MYO9A: variants seen among roughly 807,000 people sequenced by gnomAD.
MYO9A encodes the protein unconventional myosin-IXa.
A neutral mutation model predicts 293.3 loss-of-function variants in MYO9A; 103 were observed. The ratio of observed to expected loss-of-function variants is 0.35; its 90% CI spans 0.30 to 0.41. The LOEUF (loss-of-function observed/expected upper bound fraction) is 0.41. MYO9A is among the 10% of genes least tolerant of loss of function. The pLI is 1.00. For synonymous variants in MYO9A, 1,001 were observed against 1,035.7 expected (o/e 0.97, Z 0.64); for missense variants, 2,685 against 3,033.0 (o/e 0.89, Z 2.69).
At chr15:71,889,087 T>A (rs2142948073) in intron 26 of MYO9A, among the ~76,000 whole-genome samples, 1 of 152,200 alleles carries the variant, frequency 6.6e-6, no homozygotes, top group East Asian at 1.9e-4. Flanking sequence ...CACATGAAGC[T>A]GAAAGTCCAA....
At chr15:71,927,640 T>C (rs1267106980) in intron 18 of MYO9A, among the ~76,000 whole-genome samples, 2 of 152,124 alleles carry the variant, frequency 1.3e-5, no homozygotes, top group African/African-American at 4.8e-5. Flanking sequence ...TTGATCCACA[T>C]TTGGTCACAG....
intron 15 of MYO9A, among the ~76,000 whole-genome samples, chr15:71,947,911 T>C (rs1289107292): frequency 6.6e-6 from 1 of 152,228 alleles, no homozygotes; most frequent in Non-Finnish European, 1.5e-5. Context: ...CTAGGGCTCC[T>C]GTCATTTCTG....
At chr15:71,985,939 C>G (rs377337911) in intron 11 of MYO9A, among the ~76,000 whole-genome samples, 1 of 152,116 alleles carries the variant, frequency 6.6e-6, no homozygotes, top group East Asian at 1.9e-4. Context: ...TAGCACACTG[C>G]CTGGCACACA....
At chr15:71,973,361 T>C (rs897338740) in intron 12 of MYO9A, among the ~76,000 whole-genome samples, 6 of 152,186 alleles carry the variant, frequency 3.9e-5, no homozygotes, top group African/African-American at 1.4e-4. Flanking sequence ...TTGGTATCAT[T>C]AGCTTCCTAA....
intron 1 of MYO9A, among the ~76,000 whole-genome samples, chr15:72,069,735 T>C (rs1327397836): frequency 6.6e-6 from 1 of 152,120 alleles, no homozygotes; most frequent in African/African-American, 2.4e-5. Context: ...TGCATACTCA[T>C]GAATTTTTAT....
chr15:72,096,220 C>T (rs2080059381), intron 1 of MYO9A, among the ~76,000 whole-genome samples: 1 of 151,430 alleles, frequency 6.6e-6, no homozygotes, highest in African/African-American at 2.4e-5. Flanking sequence ...GGCCTGTAGT[C>T]CCAGATACTC....
At chr15:72,035,469 C>A (rs997471876) in intron 2 of MYO9A, among the ~76,000 whole-genome samples, 1 of 152,052 alleles carries the variant, frequency 6.6e-6, no homozygotes, top group African/African-American at 2.4e-5. Context: ...ATTTTAACAA[C>A]CTGGATGAAT....
At chr15:71,861,694 A>C (rs890155482) in intron 33 of MYO9A, among the ~76,000 whole-genome samples, 45 of 147,648 alleles carry the variant, frequency 3.0e-4, no homozygotes, top group South Asian at 1.1e-3. Flanking sequence ...AAAAAAAAAA[A>C]AAAAAAACAA....
chr15:72,086,956 G>T (rs533759954), intron 1 of MYO9A, among the ~76,000 whole-genome samples: 1 of 152,182 alleles, frequency 6.6e-6, no homozygotes, highest in South Asian at 2.1e-4. Context: ...AGTACAGACG[G>T]GATTTCTTCA....
chr15:71,905,762 C>CAAAA (rs3086807), intron 19 of MYO9A, among the ~76,000 whole-genome samples: 3,634 of 71,340 alleles, frequency 0.051, 434 homozygotes, highest in Middle Eastern at 0.077. Flanking sequence ...GACTCTGTCT[C>CAAAA]AAAAAAAAAA....
At chr15:71,975,665 C>T (rs1443663737) in intron 12 of MYO9A, among the ~76,000 whole-genome samples, 6 of 152,016 alleles carry the variant, frequency 3.9e-5, no homozygotes, top group Admixed American at 2.6e-4. Flanking sequence ...ATCCTCATTC[C>T]AGAAAGGGTC....
chr15:72,049,205 A>G, intron 1 of MYO9A, among the ~76,000 whole-genome samples: 1 of 152,314 alleles, frequency 6.6e-6, no homozygotes, highest in Admixed American at 6.5e-5. Context: ...GAACTACAGT[A>G]TCATAAATAT....
At chr15:72,103,626 C>A (rs1263663884) in intron 1 of MYO9A, among the ~76,000 whole-genome samples, 1 of 116,768 alleles carries the variant, frequency 8.6e-6, no homozygotes, top group East Asian at 2.6e-4. Context: ...ACAGAAGAAG[C>A]AGAAGAAGAA....
At chr15:71,865,997 CCTT>C (rs1183383093) in intron 32 of MYO9A, among the ~76,000 whole-genome samples, 1 of 152,136 alleles carries the variant, frequency 6.6e-6, no homozygotes, top group Non-Finnish European at 1.5e-5. Context: ...TATTATTTCA[CCTT>C]CTTCAGTAAA....
chr15:71,953,131 A>T (rs1228384485), intron 14 of MYO9A, among the ~76,000 whole-genome samples: 1 of 152,252 alleles, frequency 6.6e-6, no homozygotes, highest in Non-Finnish European at 1.5e-5. Context: ...ACGAAAAGTC[A>T]ATAGGTACAA....
chr15:71,990,628 C>T (rs1440394700), intron 11 of MYO9A, among the ~76,000 whole-genome samples: 1 of 151,892 alleles, frequency 6.6e-6, no homozygotes, highest in Non-Finnish European at 1.5e-5. Context: ...TGGTGGCGGG[C>T]ACCTGTAGTC....
intron 1 of MYO9A, among the ~76,000 whole-genome samples, chr15:72,054,003 G>T (rs796343880): frequency 2.2e-4 from 34 of 152,214 alleles, no homozygotes; most frequent in African/African-American, 7.0e-4. Flanking sequence ...AAAAGACAAA[G>T]ATGGTCAAAG....
intron 19 of MYO9A, among the ~76,000 whole-genome samples, chr15:71,907,090 C>T (rs982998502): frequency 4.3e-5 from 6 of 139,054 alleles, no homozygotes; most frequent in African/African-American, 1.6e-4. Context: ...CTATCCCTCC[C>T]CCCTCCCCCT....
In MYO9A at chr15:71,826,475, G is replaced by A; in HGVS notation, c.*105C>T. 8.8e-7 allele frequency: 1 copy of A among 1,138,480 alleles called. No individual in the cohort carries two copies. Among genetic ancestry groups the A allele is most frequent in the Non-Finnish European group, 1.2e-6 (1 of 803,242 alleles). 70.5% of individuals were successfully genotyped at this position (1,138,480 alleles called of 1,614,324 possible). On this transcript the variant is annotated 3_prime_UTR_variant, in exon 42 of 42. Transcript: ENST00000356056. ...AGCCATATGCTTAGAAAAGAGGCAG[G>A]ACCACAATTAGGATTGACTATTGTG...
Sources: allele counts gnomAD v4.1 joint callset (sites outside exome capture counted in the v4.1 genomes callset), GRCh38; gene constraint gnomAD v4.1.1; transcripts MANE v1.5; gene names NCBI Gene and HGNC (gene_info 2026-07-23, HGNC 2026-07-21).